Variants in GNPAT observed in about 807,000 individuals in gnomAD.
GNPAT encodes the protein dihydroxyacetone phosphate acyltransferase.
In GNPAT, 30 loss-of-function variants were observed where a neutral mutation model predicts 78.4. The observed-to-expected ratio is 0.38, with a 90% CI of 0.29 to 0.52. GNPAT has a LOEUF of 0.52. GNPAT is among the 20% of genes least tolerant of loss of function. The pLI is 0.84. For missense variants in GNPAT, 714 were observed against 812.2 expected (o/e 0.88, Z 1.47); for synonymous variants, 271 against 281.1 (o/e 0.96, Z 0.36).
At chr1:231,269,877 C>T (rs1455627886) in intron 9 of GNPAT, 1 of 152,104 alleles carries the variant, frequency 6.6e-6, no homozygotes, top group Non-Finnish European at 1.5e-5. Context: ...CCCCACATTC[C>T]TAAGCATGTT....
intron 2 of GNPAT, among the ~76,000 whole-genome samples, chr1:231,259,836 CA>C (rs1178614951): frequency 6.6e-6 from 1 of 152,082 alleles, no homozygotes; most frequent in Non-Finnish European, 1.5e-5. Context: ...GACTTCATTT[CA>C]AAGTGCTTGT....
intron 1 of GNPAT, among the ~76,000 whole-genome samples, chr1:231,249,876 AT>A (rs1684843717): frequency 6.6e-6 from 1 of 152,154 alleles, no homozygotes. Flanking sequence ...ATCAGAAGTC[AT>A]TGGTAGACGT....
At position 231,266,378 on chromosome 1, in the gene GNPAT, G is replaced by T; in HGVS notation, c.1026G>T (p.Met342Ile). ...VSLRSLAAGR[M>I]SRSSYNLVPR... ...TTCGATCTTTGGCAGCTGGGAGGAT[G>T]AGTCGGAGCTCATATAACTTGGTTC... Residue 342 changes from methionine to isoleucine, a missense_variant, in exon 8 of 16, where the codon ATG becomes ATT. Physicochemically the swap from Met to Ile is conservative, Grantham distance 10. Coordinates refer to ENST00000366647, the MANE Select transcript of GNPAT (RefSeq NM_014236.4). The T allele has an allele frequency of 6.2e-7, 1 of 1,614,000 alleles. No individual in the cohort carries two copies. The highest frequency in any genetic ancestry group is 8.5e-7 in the Non-Finnish European group (1 of 1,179,866).
chr1:231,276,097 G>T, intron 14 of GNPAT, 38 bp from the exon 15 acceptor site: 1 of 886,512 alleles, frequency 1.1e-6, no homozygotes, highest in South Asian at 1.4e-5. Context: ...CTTTTCCCCA[G>T]AGTTTATGTA....
Position 231,251,077 on chromosome 1 carries a change from A to G in GNPAT, c.195A>G (p.Pro65=). 6.3e-7 allele frequency: 1 copy of G among 1,596,504 alleles called. No individual in the cohort carries two copies. The highest frequency in any genetic ancestry group is 1.1e-5 in the South Asian group (1 of 90,698). ...CTCTTGTCTATAAGGGAATTACTCC[A>G]TGTAAACCAATTGATATTAAATGTA... ...YTPLVYKGIT[P]CKPIDIKCSV... The change falls in exon 2 of 16, where the codon CCA becomes CCG. Residue 65 remains proline, a synonymous_variant. Coordinates refer to ENST00000366647, the MANE Select transcript of GNPAT (RefSeq NM_014236.4).
chr1:231,262,951 C>T (rs1213996499), intron 4 of GNPAT, 99 bp downstream of exon 4: 3 of 880,428 alleles, frequency 3.4e-6, no homozygotes, highest in Non-Finnish European at 5.6e-6. Flanking sequence ...ATGAAAATAG[C>T]CTCTCCTCCT....
chr1:231,260,109 A>G (rs1473148729), intron 2 of GNPAT, among the ~76,000 whole-genome samples: 2 of 152,216 alleles, frequency 1.3e-5, no homozygotes, highest in African/African-American at 2.4e-5. Flanking sequence ...GTGATCTTGT[A>G]TATTACCTTG....
intron 2 of GNPAT, among the ~76,000 whole-genome samples, chr1:231,252,032 G>T (rs1020565444): frequency 1.3e-5 from 2 of 152,216 alleles, no homozygotes; most frequent in Non-Finnish European, 2.9e-5. Flanking sequence ...TGTAAACCAT[G>T]TTGGATTGTA....
chr1:231,273,796 GGCATGTGGCTGCATATAT>G (rs1685633815), intron 11 of GNPAT, 108 bp from the exon 12 acceptor site: 1 of 753,606 alleles, frequency 1.3e-6, no homozygotes, highest in East Asian at 2.6e-5. Context: ...GTTGTCTGAG[GGCATGTGGCTGCATATAT>G]TCAGATAGGC....
chr1:231,249,266 C>T (rs753511525), intron 1 of GNPAT, among the ~76,000 whole-genome samples: 5 of 152,200 alleles, frequency 3.3e-5, no homozygotes, highest in Non-Finnish European at 5.9e-5. Context: ...AGAACTCCAA[C>T]AGTGAAAAGA....
chr1:231,251,902 G>T (rs1433180535), intron 2 of GNPAT, among the ~76,000 whole-genome samples: 1 of 152,136 alleles, frequency 6.6e-6, no homozygotes, highest in African/African-American at 2.4e-5. Context: ...TAGAACTTTT[G>T]CAAAAAGTTT....
At chr1:231,258,931 C>A (rs1460201602) in intron 2 of GNPAT, among the ~76,000 whole-genome samples, 1 of 151,938 alleles carries the variant, frequency 6.6e-6, no homozygotes, top group Non-Finnish European at 1.5e-5. Flanking sequence ...GCCACCACGC[C>A]CAGCCAACAC....
chr1:231,276,332 T>C (rs766301558), intron 15 of GNPAT, 136 bp downstream of exon 15: 17 of 646,546 alleles, frequency 2.6e-5, no homozygotes, highest in African/African-American at 9.2e-5. Context: ...GAATTACTTA[T>C]GCAGTCTGGA....
chr1:231,247,657 T>C (rs1684785878), intron 1 of GNPAT, among the ~76,000 whole-genome samples: 1 of 152,232 alleles, frequency 6.6e-6, no homozygotes, highest in Non-Finnish European at 1.5e-5. Context: ...TAAAAGAGAC[T>C]GTCTCTCTCT....
chr1:231,268,538 G>A (rs1272976577), intron 9 of GNPAT, among the ~76,000 whole-genome samples: 1 of 151,358 alleles, frequency 6.6e-6, no homozygotes, highest in Non-Finnish European at 1.5e-5. Flanking sequence ...TACTTGGGAG[G>A]CTGAGGTGGG....
intron 1 of GNPAT, 52 bp downstream of exon 1, chr1:231,241,508 C>G (rs774634723): frequency 7.8e-6 from 10 of 1,284,458 alleles, no homozygotes; most frequent in Non-Finnish European, 1.1e-5. Context: ...AAATAGTACC[C>G]CTTTCTCCCA....
chr1:231,254,556 C>G (rs1287712636), intron 2 of GNPAT, among the ~76,000 whole-genome samples: 2 of 151,972 alleles, frequency 1.3e-5, no homozygotes, highest in Admixed American at 6.5e-5. Flanking sequence ...ATCCTCCTGC[C>G]TCAGCCTCCT....
At chr1:231,246,596 C>A (rs1230832172) in intron 1 of GNPAT, among the ~76,000 whole-genome samples, 1 of 152,194 alleles carries the variant, frequency 6.6e-6, no homozygotes, top group Non-Finnish European at 1.5e-5. Context: ...TACTTGGGTT[C>A]TTCTTTGTGT....
At chr1:231,266,611 G>A (rs1017242443) in intron 8 of GNPAT, among the ~76,000 whole-genome samples, 1 of 152,220 alleles carries the variant, frequency 6.6e-6, no homozygotes, top group African/African-American at 2.4e-5. Flanking sequence ...AAGATAAGCT[G>A]TGAGATATGT....
Sources: gnomAD v4.1 joint callset for allele counts (sites outside exome capture counted in the v4.1 genomes callset) on GRCh38, gnomAD v4.1.1 for gene constraint, MANE v1.5 for transcripts, NCBI Gene and HGNC (gene_info 2026-07-23, HGNC 2026-07-21) for gene names.